Variants in SLC24A3 observed in about 807,000 individuals in gnomAD.
SLC24A3 encodes the protein sodium/potassium/calcium exchanger 3.
A neutral mutation model predicts 75.8 loss-of-function variants in SLC24A3; 28 were observed. The observed-to-expected ratio is 0.37, with a 90% CI of 0.27 to 0.51. The LOEUF (loss-of-function observed/expected upper bound fraction) is 0.51, where lower values mean the gene tolerates loss of function less well. SLC24A3 is among the 20% of genes least tolerant of loss of function. The pLI, the probability that SLC24A3 is intolerant of heterozygous loss-of-function variation, is 0.94. For synonymous variants in SLC24A3, 372 were observed against 334.1 expected (o/e 1.11, Z -1.24); for missense variants, 663 against 847.8 (o/e 0.78, Z 2.71).
At chr20:19,278,381 T>G (rs1261707980) in intron 1 of SLC24A3, among the ~76,000 whole-genome samples, 1 of 152,176 alleles carries the variant, frequency 6.6e-6, no homozygotes, top group African/African-American at 2.4e-5. Flanking sequence ...CGATTCTTCT[T>G]AGGATCACCT....
chr20:19,681,926 T>G lies in SLC24A3; in HGVS notation c.836T>G (p.Leu279Trp). 6.2e-7 allele frequency: 1 copy of G among 1,614,194 alleles called. No homozygotes were observed. Residue 279 changes from leucine to tryptophan, a missense_variant, in exon 10 of 17, where the codon TTG becomes TGG. Leu to Trp is a moderately conservative substitution (Grantham distance 61). Transcript: ENST00000328041. ...TKGAGNMVNG[L>W]ANNAEIDDSS... ...GGTGCCGGGAACATGGTCAACGGAT[T>G]GGCCAACAATGCTGAAATTGATGAC...
In SLC24A3 at chr20:19,265,885, C is replaced by T. The variant is rs6132183; in HGVS notation, c.143-15074C>T. 3 of 152,996 alleles carry T rather than the reference C, an allele frequency of 2.0e-5. No homozygotes were observed. The East Asian group carries it at 5.8e-4, about 30-fold the overall frequency. 9.5% of individuals were successfully genotyped at this position (152,996 alleles called of 1,614,324 possible). A position where few individuals can be genotyped will look rare whatever the true frequency, so the allele number is the denominator to read the frequency against. ...ACCTCTCAGAACCAATCATTATGGC[C>T]TACAGGATGTGGGACTTTGGCCTTT... On this transcript the variant is annotated intron_variant, in intron 1 of 16. Coordinates refer to ENST00000328041, the MANE Select transcript of SLC24A3 (RefSeq NM_020689.4).
At chr20:19,317,145 C>A (rs748874658) in intron 2 of SLC24A3, among the ~76,000 whole-genome samples, 1 of 152,154 alleles carries the variant, frequency 6.6e-6, no homozygotes, top group African/African-American at 2.4e-5. Flanking sequence ...GGACTCCTTC[C>A]TTACACCATG....
chr20:19,461,026 G>A (rs1267936627), intron 2 of SLC24A3, among the ~76,000 whole-genome samples: 1 of 152,124 alleles, frequency 6.6e-6, no homozygotes, highest in Admixed American at 6.6e-5. Context: ...GGAGGGATTG[G>A]GGGCATCTTC....
At chr20:19,594,661 G>T (rs150146629) in intron 6 of SLC24A3, among the ~76,000 whole-genome samples, 3 of 152,198 alleles carry the variant, frequency 2.0e-5, no homozygotes, top group Non-Finnish European at 4.4e-5. Context: ...CTCAACAGAG[G>T]TGATAGATTG....
At chr20:19,707,004 A>G (rs2032938614) in intron 15 of SLC24A3, among the ~76,000 whole-genome samples, 1 of 152,152 alleles carries the variant, frequency 6.6e-6, no homozygotes, top group Admixed American at 6.5e-5. Flanking sequence ...AGTCTGCTCC[A>G]TGTGCCTCTC....
rs537329801 is a variant in SLC24A3, at chr20:19,237,865, AGT to A, written c.142+24882_142+24883del. On this transcript the variant is annotated intron_variant, in intron 1 of 16. Transcript: ENST00000328041. The stretch of plus-strand genomic sequence containing the variant: ...GCCTTCTGATTTAAGCCTGGGCCTG[AGT>A]TTCACGTCTGTCGGTTTTACTTTCA... 1.2e-4 allele frequency among the ~76,000 whole-genome samples: 18 copies of A among 152,098 alleles called. No individual in the cohort carries two copies. In the East Asian group the frequency reaches 3.5e-3, roughly 29 times the overall value.
chr20:19,688,391 G>A (rs2032704905), intron 12 of SLC24A3, among the ~76,000 whole-genome samples: 1 of 152,240 alleles, frequency 6.6e-6, no homozygotes, highest in Non-Finnish European at 1.5e-5. Flanking sequence ...AGTTACAACT[G>A]TCTCTTCCCC....
At chr20:19,537,005 C>T (rs2030410993) in intron 3 of SLC24A3, among the ~76,000 whole-genome samples, 1 of 152,106 alleles carries the variant, frequency 6.6e-6, no homozygotes, top group South Asian at 2.1e-4. Flanking sequence ...GCAATGGCAA[C>T]AAAAGCCAAA....
At chr20:19,614,837 G>C (rs6081683) in intron 6 of SLC24A3, among the ~76,000 whole-genome samples, 1 of 152,092 alleles carries the variant, frequency 6.6e-6, no homozygotes, top group Non-Finnish European at 1.5e-5. Flanking sequence ...CAATAATGAG[G>C]CTGGATTAGA....
Position 19,538,779 on chromosome 20 carries a change from A to G in SLC24A3, c.348+23215A>G, listed in dbSNP as rs554288205. 1.2e-4 allele frequency among the ~76,000 whole-genome samples: 18 copies of G among 152,328 alleles called. 1 individual carries two copies. In the South Asian group the frequency reaches 3.3e-3, roughly 28 times the overall value. ...ACACCACTACTCCCCGAATCAACAG[A>G]AATTCATATATACATGCAATGAAGG... On this transcript the variant is annotated intron_variant, in intron 3 of 16. Transcript: ENST00000328041.
chr20:19,483,206 G>A (rs1988084269), intron 2 of SLC24A3, among the ~76,000 whole-genome samples: 1 of 152,148 alleles, frequency 6.6e-6, no homozygotes, highest in African/African-American at 2.4e-5. Flanking sequence ...GAAGGCAGCT[G>A]CACTTGGTCA....
intron 6 of SLC24A3, among the ~76,000 whole-genome samples, chr20:19,643,814 A>G (rs2032102770): frequency 6.6e-6 from 1 of 152,334 alleles, no homozygotes; most frequent in Middle Eastern, 3.4e-3. Context: ...ATGATGGTAT[A>G]TTCAGGTCAG....
intron 2 of SLC24A3, among the ~76,000 whole-genome samples, chr20:19,351,357 A>G (rs903750294): frequency 3.3e-5 from 5 of 152,202 alleles, no homozygotes; most frequent in African/African-American, 7.2e-5. Flanking sequence ...AGCAGACAGT[A>G]TCATCGCCTG....
At chr20:19,281,756 A>ACT (rs1983669979) in intron 2 of SLC24A3, among the ~76,000 whole-genome samples, 1 of 152,194 alleles carries the variant, frequency 6.6e-6, no homozygotes, top group Non-Finnish European at 1.5e-5. Flanking sequence ...TGGAGTCAGT[A>ACT]AACTTGTTCT....
At chr20:19,234,846 C>T (rs1238141290) in intron 1 of SLC24A3, among the ~76,000 whole-genome samples, 1 of 152,184 alleles carries the variant, frequency 6.6e-6, no homozygotes, top group Non-Finnish European at 1.5e-5. Context: ...CTTTGATTTC[C>T]AGCCCTGTGG....
chr20:19,274,516 C>T (rs1330245344), intron 1 of SLC24A3, among the ~76,000 whole-genome samples: 5 of 152,156 alleles, frequency 3.3e-5, no homozygotes, highest in African/African-American at 9.7e-5. Flanking sequence ...TCCTCCTCTC[C>T]TTCTGGGTTA....
rs565377669 is a variant in SLC24A3 at position 19,593,193 on chromosome 20, AT to A, written c.612+7652del. Among the ~76,000 whole-genome samples, 975 of 152,284 alleles carry A rather than the reference AT, an allele frequency of 6.4e-3. 6 individuals are homozygous for A. Among genetic ancestry groups the A allele is most frequent in the Middle Eastern group, 0.034 (10 of 294 alleles). ...AGTCCATTTTTGGGGCACAAATGTCATTTCTTTCCATGACACCACATTCCCC... is the reference window on the plus strand; with the variant it reads ...AGTCCATTTTTGGGGCACAAATGTCATTCTTTCCATGACACCACATTCCCC... On this transcript the variant is annotated intron_variant, in intron 6 of 16. Transcript: ENST00000328041.
chr20:19,286,185 C>T (rs1983813017), intron 2 of SLC24A3, among the ~76,000 whole-genome samples: 1 of 152,186 alleles, frequency 6.6e-6, no homozygotes, highest in Non-Finnish European at 1.5e-5. Context: ...TGGCAGGGCA[C>T]TGCCCTATGG....
Sources: gnomAD v4.1 joint callset for allele counts (sites outside exome capture counted in the v4.1 genomes callset) on GRCh38, gnomAD v4.1.1 for gene constraint, MANE v1.5 for transcripts, NCBI Gene and HGNC (gene_info 2026-07-23, HGNC 2026-07-21) for gene names.